Variants in EPHA4 observed in about 807,000 individuals in gnomAD.
EPHA4 encodes the protein EPH receptor A4.
In EPHA4, 19 loss-of-function variants were observed where a neutral mutation model predicts 108.3. That is an observed-to-expected ratio of 0.18 (90% CI 0.12 to 0.26). The LOEUF (loss-of-function observed/expected upper bound fraction) is 0.26, where lower values mean the gene tolerates loss of function less well. EPHA4 is among the 10% of genes least tolerant of loss of function. EPHA4 has a pLI of 1.00. For synonymous variants in EPHA4, 449 were observed against 455.5 expected (o/e 0.99, Z 0.18); for missense variants, 917 against 1,254.0 (o/e 0.73, Z 4.06).
chr2:221,422,231 C>T (rs1234690033), intron 17 of EPHA4, among the ~76,000 whole-genome samples: 1 of 152,184 alleles, frequency 6.6e-6, no homozygotes, highest in African/African-American at 2.4e-5. Flanking sequence ...CGGTCAAATC[C>T]ATCAAATGTA....
intron 5 of EPHA4, among the ~76,000 whole-genome samples, chr2:221,459,245 G>T (rs1323812269): frequency 1.3e-5 from 2 of 151,882 alleles, no homozygotes; most frequent in Non-Finnish European, 2.9e-5. Context: ...CCTGGAGGGG[G>T]TTATTTGACA....
At chr2:221,490,145 C>CA (rs34398551) in intron 4 of EPHA4, among the ~76,000 whole-genome samples, 1,982 of 102,682 alleles carry the variant, frequency 0.019, 21 homozygotes, top group Non-Finnish European at 0.028. Context: ...GACCCTGTCT[C>CA]AAAAAAAAAA....
At chr2:221,446,078 G>A (rs368019823) in intron 9 of EPHA4, 45 bp downstream of exon 9, 12 of 1,298,438 alleles carry the variant, frequency 9.2e-6, no homozygotes, top group East Asian at 2.6e-5. Context: ...TAGAAAACGT[G>A]TGACATGCTC....
chr2:221,443,127 G>A (rs749862777), intron 10 of EPHA4, 113 bp from the exon 11 acceptor site: 5 of 1,090,040 alleles, frequency 4.6e-6, no homozygotes, highest in Non-Finnish European at 5.2e-6. Context: ...CTAGTGCTTT[G>A]CATAGATTAT....
At chr2:221,510,287 A>G (rs1692787925) in intron 3 of EPHA4, among the ~76,000 whole-genome samples, 1 of 152,230 alleles carries the variant, frequency 6.6e-6, no homozygotes, top group South Asian at 2.1e-4. Context: ...GTAACTATAG[A>G]CAAGATTGGA....
intron 4 of EPHA4, among the ~76,000 whole-genome samples, chr2:221,499,756 ATTTTTTTTTT>A (rs575017779): frequency 3.1e-4 from 8 of 26,228 alleles, no homozygotes; most frequent in African/African-American, 1.1e-3. Flanking sequence ...ATATATATAT[ATTTTTTTTTT>A]TTTTTTTTGA....
At chr2:221,570,256 C>T (rs1283675390) in intron 1 of EPHA4, among the ~76,000 whole-genome samples, 1 of 151,944 alleles carries the variant, frequency 6.6e-6, no homozygotes, top group African/African-American at 2.4e-5. Flanking sequence ...TCCCTCCCTC[C>T]CCTTCAACAT....
chr2:221,566,421 T>C (rs1241646699), intron 2 of EPHA4, among the ~76,000 whole-genome samples: 1 of 152,286 alleles, frequency 6.6e-6, no homozygotes, highest in South Asian at 2.1e-4. Context: ...CCATTCCTCA[T>C]TGACAGATAC....
intron 4 of EPHA4, among the ~76,000 whole-genome samples, chr2:221,498,536 A>G (rs770237739): frequency 6.6e-6 from 1 of 152,176 alleles, no homozygotes; most frequent in Admixed American, 6.5e-5. Flanking sequence ...GTGGCCACGC[A>G]GAGAAAGTTC....
chr2:221,423,951 A>G (rs1321709503), intron 17 of EPHA4, among the ~76,000 whole-genome samples: 1 of 151,776 alleles, frequency 6.6e-6, no homozygotes, highest in African/African-American at 2.4e-5. Context: ...CCCCGTCTCC[A>G]CTAAAAATAC....
intron 4 of EPHA4, among the ~76,000 whole-genome samples, chr2:221,487,228 A>C (rs1692005468): frequency 6.6e-6 from 1 of 152,204 alleles, no homozygotes; most frequent in Non-Finnish European, 1.5e-5. Flanking sequence ...ACTTCCTGAT[A>C]GTTGCCTAGA....
At chr2:221,426,743 C>A in intron 15 of EPHA4, 124 bp from the exon 16 acceptor site, 1 of 844,612 alleles carries the variant, frequency 1.2e-6, no homozygotes, top group Non-Finnish European at 1.8e-6. Context: ...TTAAATGGAA[C>A]AATTGTTGTT....
intron 3 of EPHA4, among the ~76,000 whole-genome samples, chr2:221,558,125 T>A (rs932486228): frequency 6.6e-6 from 1 of 152,226 alleles, no homozygotes; most frequent in Middle Eastern, 3.2e-3. Context: ...TACAGCGATA[T>A]CTATGACAGT....
At position 221,501,079 on chromosome 2, in the gene EPHA4, G is replaced by A. The variant is rs537081277; in HGVS notation, c.917C>T (p.Ser306Leu). The change falls in exon 4 of 18, where the codon TCG (serine) becomes TTG (leucine). Residue 306 changes from serine (S) to leucine (L), a missense_variant. Ser to Leu is a moderately radical substitution (Grantham distance 145). Transcript: ENST00000281821. The part of the protein sequence containing the change: ...HSYSVWEGAT[S>L]CTCDRGFFRA... ...GAAAAAGCCTCGGTCACAGGTGCAC[G>A]AGGTGGCTCCTTCCCAGACAGAGTA... The A allele has an allele frequency of 1.9e-5, 31 of 1,613,680 alleles. No individual in the cohort carries two copies. In the African/African-American group the frequency reaches 2.7e-4, roughly 14 times the overall value.
In EPHA4 at chr2:221,456,734, A is replaced by G. The variant is rs1235486398; in HGVS notation, c.1482T>C (p.Ala494=). 1 of 1,613,944 alleles carries G rather than the reference A, an allele frequency of 6.2e-7. No individual in the cohort carries two copies. The highest frequency in any genetic ancestry group is 1.7e-5 in the Admixed American group (1 of 60,006). The change falls in exon 7 of 18, where the codon GCT becomes GCC. Residue 494 remains alanine, a synonymous_variant. Coordinates refer to ENST00000281821, the MANE Select transcript of EPHA4 (RefSeq NM_004438.5). Reference sequence around the variant, plus strand: ...GGCCTTTGATATCTGTGTTCCTGGCAGCTGTCCGAACTATACGATAGCTTC... The same window carrying G: ...GGCCTTTGATATCTGTGTTCCTGGCGGCTGTCCGAACTATACGATAGCTTC... The part of the protein sequence containing the change: ...NERSYRIVRT[A]ARNTDIKGLN...
chr2:221,530,970 G>T (rs573487277), intron 3 of EPHA4, among the ~76,000 whole-genome samples: 2 of 152,070 alleles, frequency 1.3e-5, no homozygotes, highest in Non-Finnish European at 2.9e-5. Flanking sequence ...CACCTCAAAG[G>T]CTTGGGAATT....
rs762036708 is a variant in EPHA4, at chr2:221,430,092, C to T, written c.2556G>A (p.Ala852=). The T allele has an allele frequency of 2.4e-5, 39 of 1,613,610 alleles. No individual in the cohort carries two copies. The highest frequency in any genetic ancestry group is 5.3e-5 in the African/African-American group (4 of 75,030). The change falls in exon 15 of 18, where the codon GCG becomes GCA. Residue 852 remains alanine (A), a synonymous_variant. Transcript: ENST00000281821. ...RLPPPMDCPI[A]LHQLMLDCWQ... is the part of the protein sequence containing the mutation. ...AGCAGTCTAGCATCAGCTGGTGGAG[C>T]GCAATGGGGCAGTCCATTGGAGGGG...
rs566584977 is a variant in EPHA4, at chr2:221,425,903, G to GTT, written c.*123_*124dup. On this transcript the variant is annotated 3_prime_UTR_variant, in exon 17 of 18. Transcript: ENST00000281821. ...TGCACCAAGCAACGCTGCAGATATT[G>GTT]TTTTTTTTTTTCATTTCTTTAATTT... The GTT allele has an allele frequency of 5.5e-3, 3,744 of 675,186 alleles. 75 individuals are homozygous for GTT. In the African/African-American group the frequency reaches 0.057, roughly 10 times the overall value. The allele number at this position is 675,186 out of a possible 1,614,324, so 41.8% of individuals were successfully genotyped here.
chr2:221,491,149 G>C (rs1290978488), intron 4 of EPHA4, among the ~76,000 whole-genome samples: 3 of 151,828 alleles, frequency 2.0e-5, no homozygotes, highest in African/African-American at 7.3e-5. Context: ...TTTTTACTGG[G>C]TTAATTAGGG....
Sources: allele counts gnomAD v4.1 joint callset (sites outside exome capture counted in the v4.1 genomes callset), GRCh38; gene constraint gnomAD v4.1.1; transcripts MANE v1.5; gene names NCBI Gene and HGNC (gene_info 2026-07-23, HGNC 2026-07-21).